Variants in TTBK1 observed in about 807,000 individuals in gnomAD.
The protein encoded by TTBK1 is tau-tubulin kinase 1.
A neutral mutation model predicts 108.5 loss-of-function variants in TTBK1; 34 were observed. That is an observed-to-expected ratio of 0.31 (90% CI 0.24 to 0.42). TTBK1 has a LOEUF of 0.42. Ranked by LOEUF, TTBK1 falls within the 10% of genes least tolerant of loss-of-function variation. The pLI, the probability that TTBK1 is intolerant of heterozygous loss-of-function variation, is 1.00. For missense variants in TTBK1, 1,539 were observed against 1,826.0 expected (o/e 0.84, Z 2.86); for synonymous variants, 809 against 795.1 (o/e 1.02, Z -0.29).
chr6:43,270,710 C>G, intron 13 of TTBK1: 1 of 985,390 alleles, frequency 1.0e-6, no homozygotes, highest in Non-Finnish European at 1.2e-6. Context: ...TCCTCAGGAA[C>G]TGAGGATGGA....
intron 13 of TTBK1, among the ~76,000 whole-genome samples, chr6:43,277,949 C>T (rs1456961954): frequency 6.6e-6 from 1 of 152,162 alleles, no homozygotes; most frequent in East Asian, 1.9e-4. Flanking sequence ...AGGCACAAGC[C>T]TCCGACCTCA....
intron 2 of TTBK1, among the ~76,000 whole-genome samples, chr6:43,250,632 T>C (rs1777212191): frequency 6.6e-6 from 1 of 152,176 alleles, no homozygotes; most frequent in Non-Finnish European, 1.5e-5. Context: ...GTGCTGAGAT[T>C]ACAGGCGGGA....
At chr6:43,246,963 G>T (rs1051072811) in intron 2 of TTBK1, among the ~76,000 whole-genome samples, 195 bp downstream of exon 2, 2 of 152,114 alleles carry the variant, frequency 1.3e-5, no homozygotes, top group African/African-American at 4.8e-5. Context: ...GCCCTCTCTC[G>T]AGCCCCGCCC....
Position 43,284,051 on chromosome 6 carries a change from G to C in TTBK1, c.3311G>C (p.Arg1104Pro). The change falls in exon 14 of 15, where the codon CGG becomes CCG. Residue 1104 changes from arginine (R) to proline (P), a missense_variant. By Grantham distance (103) the Arg-to-Pro change is moderately radical (BLOSUM62 -2). This residue lies in a region of TTBK1 where 1,055 missense variants were observed against 1,086.5 expected (regional missense o/e 0.97). Transcript: ENST00000259750. ...MEKRQGRLLLRLASGASSSSS... is the reference protein window; with the variant it reads ...MEKRQGRLLLPLASGASSSSS... ...AAGAGGCAGGGCCGCCTGCTGTTGC[G>C]GCTGGCCTCAGGGGCCTCGTCCTCC... 6.5e-7 allele frequency: 1 copy of C among 1,545,492 alleles called. No individual in the cohort carries two copies. The highest frequency in any genetic ancestry group is 1.2e-5 in the South Asian group (1 of 85,254).
At chr6:43,252,991 T>C in intron 3 of TTBK1, 105 bp downstream of exon 3, 1 of 1,410,030 alleles carries the variant, frequency 7.1e-7, no homozygotes, top group Admixed American at 1.8e-5. Context: ...TGTCGTGTGG[T>C]AGAGGGAAAA....
intron 14 of TTBK1, 27 bp from the exon 15 acceptor site, chr6:43,284,956 T>A (rs964629184): frequency 1.3e-6 from 2 of 1,501,302 alleles, no homozygotes; most frequent in African/African-American, 2.9e-5. Flanking sequence ...GCCCTCTTCT[T>A]TTCTCCTGCC....
chr6:43,253,568 G>A lies in TTBK1; in HGVS notation c.331G>A (p.Gly111Ser). The A allele has an allele frequency of 3.7e-6, 6 of 1,605,996 alleles. No individual in the cohort carries two copies. The highest frequency in any genetic ancestry group is 5.1e-6 in the Non-Finnish European group (6 of 1,176,216). The change falls in exon 5 of 15, where the codon GGC (glycine) becomes AGC (serine). Residue 111 changes from glycine (G) to serine (S), a missense_variant and splice_region_variant. Around this residue, in one of 5 missense-constraint regions of TTBK1, gnomAD observed 155 missense variants for 348.5 expected, o/e 0.44. Transcript: ENST00000259750. This position sits in a 1 kb window ranked among gnomAD's most constrained non-coding sequence, Gnocchi z 5.8. The stretch of plus-strand genomic sequence containing the variant: ...ACCCCCCACCTCCACCCCCATGCAG[G>A]GCCGGAACCTGGCCGACCTGCGCCG... Reference protein sequence around the residue: ...KFNYVVMQLQGRNLADLRRSQ... With the variant: ...KFNYVVMQLQSRNLADLRRSQ...
intron 13 of TTBK1, chr6:43,271,996 A>T: frequency 3.0e-6 from 3 of 984,536 alleles, no homozygotes; most frequent in Non-Finnish European, 3.6e-6. Context: ...GTCAAGGTGG[A>T]CCCTTTGAGA....
chr6:43,258,167 G>A (rs1777428187), intron 10 of TTBK1, among the ~76,000 whole-genome samples: 1 of 152,180 alleles, frequency 6.6e-6, no homozygotes, highest in African/African-American at 2.4e-5. Flanking sequence ...CTCATTTGGA[G>A]TTTTTAACCT....
chr6:43,246,581 C>A, intron 1 of TTBK1, 26 bp from the exon 2 acceptor site: 1 of 1,164,774 alleles, frequency 8.6e-7, no homozygotes. Flanking sequence ...GCAGCCCGCC[C>A]TCACAGGCCC....
At chr6:43,280,926 G>A (rs1374551706) in intron 13 of TTBK1, among the ~76,000 whole-genome samples, 1 of 152,184 alleles carries the variant, frequency 6.6e-6, no homozygotes, top group African/African-American at 2.4e-5. Context: ...AGTGTGAGCT[G>A]GAAGATGCAC....
Position 43,253,256 on chromosome 6 carries a change from G to A in TTBK1, c.257-35G>A, listed in dbSNP as rs772123810. 3.7e-6 allele frequency: 6 copies of A among 1,609,340 alleles called. No homozygotes were observed. The African/African-American group carries it at 4.0e-5, about 11-fold the overall frequency. On this transcript the variant is annotated intron_variant, in intron 3 of 14. Coordinates refer to ENST00000259750, the MANE Select transcript of TTBK1 (RefSeq NM_032538.3). This position sits in a 1 kb window ranked among gnomAD's most constrained non-coding sequence, Gnocchi z 5.8. Reference sequence around the variant, plus strand: ...TAGGGTTGGAAATGAGGAAGAAAGAGTAAGAGCTGGAAGACCTATGTCTGT... The same window carrying A: ...TAGGGTTGGAAATGAGGAAGAAAGAATAAGAGCTGGAAGACCTATGTCTGT...
In TTBK1 at chr6:43,269,930, C is replaced by G; in HGVS notation, c.1986+6580C>G. The G allele has an allele frequency of 6.8e-7, 1 of 1,477,054 alleles. No homozygotes were observed. Among genetic ancestry groups the G allele is most frequent in the South Asian group, 1.3e-5 (1 of 75,028 alleles). The allele number at this position is 1,477,054 out of a possible 1,614,324, so 91.5% of individuals were successfully genotyped here. On this transcript the variant is annotated intron_variant, in intron 13 of 14. Transcript: ENST00000259750. The surrounding 1 kb of genome is among the most constrained non-coding windows in gnomAD (Gnocchi z 4.8). Reference sequence around the variant, plus strand: ...GGTCCCAGCTGCAGCAGGTGTGGGCCCGGTTCACCCACAAGACCTAGGCTG... The same window carrying G: ...GGTCCCAGCTGCAGCAGGTGTGGGCGCGGTTCACCCACAAGACCTAGGCTG...
intron 2 of TTBK1, among the ~76,000 whole-genome samples, chr6:43,249,856 C>T (rs1182622595): frequency 4.6e-5 from 7 of 152,232 alleles, no homozygotes; most frequent in Non-Finnish European, 8.8e-5. Context: ...GGATTACAGG[C>T]GTGAGGCACC....
Position 43,254,646 on chromosome 6 carries a change from C to T in TTBK1, c.571C>T (p.Arg191Trp), listed in dbSNP as rs1335839157. 1 of 1,572,202 alleles carries T rather than the reference C, an allele frequency of 6.4e-7. No homozygotes were observed. Among genetic ancestry groups the T allele is most frequent in the Non-Finnish European group, 8.6e-7 (1 of 1,160,956 alleles). ...GTACACCAACACCACGGGGGATGTG[C>T]GGCCCGTGAGTACCGTCGGGGCGGG... ...RQYTNTTGDV[R>W]PPRNVAGFRG... The change falls in exon 6 of 15, where the codon CGG (arginine) becomes TGG (tryptophan). Residue 191 changes from arginine to tryptophan, a missense_variant. This residue lies in a region of TTBK1 where 155 missense variants were observed against 348.5 expected (regional missense o/e 0.44). Transcript: ENST00000259750.
intron 13 of TTBK1, among the ~76,000 whole-genome samples, chr6:43,266,252 G>T (rs76187039): frequency 0.093 from 14,156 of 152,322 alleles, 845 homozygotes; most frequent in Non-Finnish European, 0.14. Flanking sequence ...GTGCCTGCAT[G>T]TGGGTGCACA....
chr6:43,281,823 C>T (rs575553675), intron 13 of TTBK1, among the ~76,000 whole-genome samples: 6 of 152,274 alleles, frequency 3.9e-5, no homozygotes, highest in African/African-American at 1.2e-4. Context: ...CAGGGCATTG[C>T]GGGTGCCTGG....
chr6:43,283,661 G>C lies in TTBK1; in HGVS notation c.2921G>C (p.Gly974Ala). Residue 974 changes from glycine to alanine, a missense_variant, in exon 14 of 15, where the codon GGG becomes GCG. By Grantham distance (60) the Gly-to-Ala change is moderately conservative. Transcript: ENST00000259750. This position sits in a 1 kb window ranked among gnomAD's most constrained non-coding sequence, Gnocchi z 8.1. Reference sequence around the variant, plus strand: ...TCTGATGGGGGCGCTGTGGAGGAGGGGGCCCGAGCGCCCCTGGAGAACGGC... The same window carrying C: ...TCTGATGGGGGCGCTGTGGAGGAGGCGGCCCGAGCGCCCCTGGAGAACGGC... ...LASDGGAVEEGARAPLENGLA... is the reference protein window; with the variant it reads ...LASDGGAVEEAARAPLENGLA... 1 of 1,613,936 alleles carries C rather than the reference G, an allele frequency of 6.2e-7. No individual in the cohort carries two copies. Among genetic ancestry groups the C allele is most frequent in the East Asian group, 2.2e-5 (1 of 44,888 alleles).
intron 2 of TTBK1, among the ~76,000 whole-genome samples, chr6:43,251,902 T>A (rs970735594): frequency 1.3e-5 from 2 of 152,146 alleles, no homozygotes. Context: ...TTTGCCCACA[T>A]ACTCTCTCCT....
Sources: gnomAD v4.1 joint callset for allele counts (sites outside exome capture counted in the v4.1 genomes callset) on GRCh38, gnomAD v4.1.1 for gene constraint, gnomAD v4.1.1 regional missense constraint, Gnocchi (gnomAD v3.1) non-coding constraint, MANE v1.5 for transcripts, NCBI Gene and HGNC (gene_info 2026-07-23, HGNC 2026-07-21) for gene names.